The following HACL1 variants were observed in gnomAD, a reference collection of about 807,000 sequenced individuals.
HACL1 encodes the protein 1600020H07Rik.
Under a neutral mutation model 74.2 loss-of-function variants are expected in HACL1, and 64 were observed. The ratio of observed to expected loss-of-function variants is 0.86; its 90% CI spans 0.70 to 1.06. The LOEUF is 1.06. Ranked by LOEUF, HACL1 falls within the 50% of genes least tolerant of loss-of-function variation. The pLI is 0.00. For missense variants in HACL1, 728 were observed against 719.7 expected, an observed-to-expected ratio of 1.01 and a Z score of -0.13; for synonymous variants, 230 against 238.8, an observed-to-expected ratio of 0.96 and a Z score of 0.34.
chr3:15,561,032 C>T lies in HACL1; in HGVS notation c.1705-135G>A, dbSNP rs575643259. 2.9e-5 allele frequency: 20 copies of T among 701,318 alleles called. No homozygotes were observed. In the East Asian group the frequency reaches 4.2e-4, roughly 15 times the overall value. The allele number at this position is 701,318 out of a possible 1,614,324, so 43.4% of individuals were successfully genotyped here. A position where few individuals can be genotyped will look rare whatever the true frequency, so the allele number is the denominator to read the frequency against. On this transcript the variant is annotated intron_variant, in intron 16 of 16. Coordinates refer to ENST00000321169, the MANE Select transcript of HACL1 (RefSeq NM_012260.4). ...AATGAGGTTTGTCTTTGTTCTGGTG[C>T]TTTTCCCAAAAAGGACCTAAAAACC...
intron 11 of HACL1, among the ~76,000 whole-genome samples, chr3:15,572,089 C>A (rs1280278767): frequency 6.6e-6 from 1 of 152,052 alleles, no homozygotes; most frequent in Admixed American, 6.6e-5. Flanking sequence ...ATCTACCTGT[C>A]TCGGCCTCCC....
intron 8 of HACL1, among the ~76,000 whole-genome samples, chr3:15,581,153 C>T (rs1192698563): frequency 6.6e-6 from 1 of 152,212 alleles, no homozygotes; most frequent in Non-Finnish European, 1.5e-5. Flanking sequence ...CCGCCCACCT[C>T]GGCCTCCCAA....
At chr3:15,587,713 C>A (rs1487589352) in intron 5 of HACL1, among the ~76,000 whole-genome samples, 1 of 152,138 alleles carries the variant, frequency 6.6e-6, no homozygotes, top group Non-Finnish European at 1.5e-5. Flanking sequence ...TTTTAAATAA[C>A]TGTTATCGTC....
At chr3:15,574,525 G>A (rs149116987) in intron 10 of HACL1, among the ~76,000 whole-genome samples, 1 of 152,298 alleles carries the variant, frequency 6.6e-6, no homozygotes, top group Admixed American at 6.5e-5. Flanking sequence ...AGACAGGTCA[G>A]AATACATTCC....
Position 15,592,322 on chromosome 3 carries a change from GTATA to G in HACL1, c.228-646_228-643del, listed in dbSNP as rs1255549048. Among the ~76,000 whole-genome samples, 102 of 141,360 alleles carry G rather than the reference GTATA, an allele frequency of 7.2e-4. 2 individuals are homozygous for G. The highest frequency in any genetic ancestry group is 3.0e-3 in the African/African-American group (101 of 33,440). The allele number at this position is 141,360 out of a possible 152,430, so 92.7% of individuals were successfully genotyped here. A position where few individuals can be genotyped will look rare whatever the true frequency, so the allele number is the denominator to read the frequency against. On this transcript the variant is annotated intron_variant, in intron 3 of 16. Coordinates refer to ENST00000321169, the MANE Select transcript of HACL1 (RefSeq NM_012260.4). Reference sequence around the variant, plus strand: ...TACGTATATATATGTATACATATATGTATATATACTCTGGGCACCAGAGTATACT... The same window carrying G: ...TACGTATATATATGTATACATATATGTATACTCTGGGCACCAGAGTATACT...
chr3:15,564,385 G>A (rs1242001148), intron 15 of HACL1, among the ~76,000 whole-genome samples, 166 bp downstream of exon 15: 6 of 152,204 alleles, frequency 3.9e-5, no homozygotes, highest in Admixed American at 3.9e-4. Flanking sequence ...ATGGATATTT[G>A]TGCAAAGAGG....
At chr3:15,589,486 G>C in intron 5 of HACL1, 54 bp downstream of exon 5, 1 of 1,126,432 alleles carries the variant, frequency 8.9e-7, no homozygotes, top group Non-Finnish European at 1.3e-6. Context: ...AACAAAGCAA[G>C]ATCCTGTTTC....
Position 15,584,694 on chromosome 3 carries a change from A to G in HACL1, c.554+554T>C, listed in dbSNP as rs138540147. Among the ~76,000 whole-genome samples the G allele has an allele frequency of 4.3e-3, 651 of 152,328 alleles. 4 individuals carry two copies. Among genetic ancestry groups the G allele is most frequent in the African/African-American group, 0.014 (599 of 41,564 alleles). Reference sequence around the variant, plus strand: ...TGGTCCACAACAGCAGAAACGCACTAAACAGTACCCATGATGCTTTAACCC... The same window carrying G: ...TGGTCCACAACAGCAGAAACGCACTGAACAGTACCCATGATGCTTTAACCC... On this transcript the variant is annotated intron_variant, in intron 7 of 16. Transcript: ENST00000321169.
chr3:15,576,185 T>G (rs546525335), intron 9 of HACL1, among the ~76,000 whole-genome samples: 1 of 150,442 alleles, frequency 6.6e-6, no homozygotes, highest in South Asian at 2.1e-4. Context: ...AAAGGTTTCC[T>G]TTCTCATTAA....
At chr3:15,582,097 C>T (rs1373623391) in intron 8 of HACL1, among the ~76,000 whole-genome samples, 2 of 152,144 alleles carry the variant, frequency 1.3e-5, no homozygotes, top group Non-Finnish European at 2.9e-5. Context: ...TTAGTTTCTA[C>T]AGATTTAGTT....
intron 5 of HACL1, among the ~76,000 whole-genome samples, chr3:15,589,037 C>T (rs936221721): frequency 1.3e-5 from 2 of 152,166 alleles, no homozygotes; most frequent in African/African-American, 2.4e-5. Context: ...AGGGCCTAAG[C>T]TCACCCTTAA....
At chr3:15,592,455 C>CGTATACATACACAG (rs2063946218) in intron 3 of HACL1, among the ~76,000 whole-genome samples, 1 of 123,942 alleles carries the variant, frequency 8.1e-6, no homozygotes, top group Non-Finnish European at 1.6e-5. Context: ...TACATACACA[C>CGTATACATACACAG]ACGTATACAT....
intron 10 of HACL1, among the ~76,000 whole-genome samples, chr3:15,574,759 G>C (rs1468542409): frequency 1.5e-5 from 2 of 136,398 alleles, no homozygotes; most frequent in Non-Finnish European, 3.0e-5. Flanking sequence ...ATTTTGAAAG[G>C]TTTTCTGGCT....
In HACL1 at chr3:15,579,207, C is replaced by T. The variant is rs577948107; in HGVS notation, c.803+703G>A. On this transcript the variant is annotated intron_variant, in intron 9 of 16. Transcript: ENST00000321169. ...ATACAATATCCAAAAATCCAGGATACAATCCAAAATTACTCAGTACAAAAA... is the reference window on the plus strand; with the variant it reads ...ATACAATATCCAAAAATCCAGGATATAATCCAAAATTACTCAGTACAAAAA... Among the ~76,000 whole-genome samples, 24 of 152,208 alleles carry T rather than the reference C, an allele frequency of 1.6e-4. No individual in the cohort carries two copies. In the South Asian group the frequency reaches 5.0e-3, roughly 32 times the overall value.
chr3:15,588,286 T>C (rs2063826825), intron 5 of HACL1, among the ~76,000 whole-genome samples: 1 of 152,210 alleles, frequency 6.6e-6, no homozygotes, highest in Admixed American at 6.5e-5. Flanking sequence ...TTCCAACAAC[T>C]GTTTTTTCTA....
chr3:15,576,377 T>C (rs1374385242), intron 9 of HACL1, among the ~76,000 whole-genome samples: 4 of 152,104 alleles, frequency 2.6e-5, no homozygotes, highest in Non-Finnish European at 5.9e-5. Flanking sequence ...TTTAAGACTA[T>C]TGATTCATAT....
Position 15,571,747 on chromosome 3 carries a change from G to T in HACL1, c.1016C>A (p.Thr339Lys), listed in dbSNP as rs556065159. ...TKQLLEELDK[T>K]PWQYPPESKW... ...GCTCTCTGGAGGATACTGCCATGGT[G>T]TTTTATCAAGTTCCTCTAAAAGCTT... The change falls in exon 12 of 17, where the codon ACA (threonine) becomes AAA (lysine). Residue 339 changes from threonine (T) to lysine (K), a missense_variant. Thr to Lys is a moderately conservative substitution (Grantham distance 78). Transcript: ENST00000321169. 4.7e-6 allele frequency: 6 copies of T among 1,275,568 alleles called. No individual in the cohort carries two copies. The highest frequency in any genetic ancestry group is 2.0e-5 in the Admixed American group (1 of 50,590). 79.0% of individuals were successfully genotyped at this position (1,275,568 alleles called of 1,614,324 possible).
chr3:15,573,704 G>A (rs1037399840), intron 10 of HACL1, among the ~76,000 whole-genome samples: 2 of 152,228 alleles, frequency 1.3e-5, no homozygotes, highest in African/African-American at 4.8e-5. Flanking sequence ...GTAGGGTCCA[G>A]AAATGTGCAT....
chr3:15,598,769 A>G (rs1355791086), intron 2 of HACL1, among the ~76,000 whole-genome samples: 2 of 152,190 alleles, frequency 1.3e-5, no homozygotes, highest in African/African-American at 4.8e-5. Context: ...TTCCCTCTGA[A>G]TCATTCTGTC....
Sources: gnomAD v4.1 joint callset for allele counts (sites outside exome capture counted in the v4.1 genomes callset) on GRCh38, gnomAD v4.1.1 for gene constraint, MANE v1.5 for transcripts, NCBI Gene and HGNC (gene_info 2026-07-23, HGNC 2026-07-21) for gene names.